NRDC: variants seen among roughly 807,000 people sequenced by gnomAD.
NRDC encodes the protein nardilysin convertase.
NRDC carries 54 observed loss-of-function variants against 147.1 expected under a neutral mutation model. That is an observed-to-expected ratio of 0.37 (90% confidence interval 0.29 to 0.46). The LOEUF (loss-of-function observed/expected upper bound fraction) is 0.46, where lower values mean the gene tolerates loss of function less well. Among genes scored for constraint, NRDC ranks in the 20% least tolerant of loss-of-function variants. The pLI is 1.00. For synonymous variants in NRDC, 440 were observed against 482.1 expected, an observed-to-expected ratio of 0.91 and a Z score of 1.14; for missense variants, 1,082 against 1,370.6, an observed-to-expected ratio of 0.79 and a Z score of 3.33.
At chr1:51,836,370 A>G (rs746608767) in intron 2 of NRDC, 158 bp from the exon 3 acceptor site, 2 of 1,613,462 alleles carry the variant, frequency 1.2e-6, no homozygotes, top group South Asian at 2.2e-5. Context: ...GAAACTCACC[A>G]GAACTGTGTC....
rs1029735917 is a variant in NRDC at position 51,848,350 on chromosome 1, A to G, written c.342-7836T>C. Among the ~76,000 whole-genome samples the G allele has an allele frequency of 1.6e-4, 25 of 152,118 alleles. No homozygotes were observed. The South Asian group carries it at 2.1e-3, about 13-fold the overall frequency. On this transcript the variant is annotated intron_variant, in intron 1 of 30. Coordinates refer to ENST00000352171, the MANE Select transcript of NRDC (RefSeq NM_001101662.2). ...AAGAAAATTAGACAGGCGTGGTGGC[A>G]GGCGCCTGTAGTCCCAGCTACTCAG...
chr1:51,810,979 A>G (rs941367942), intron 15 of NRDC, among the ~76,000 whole-genome samples: 1 of 152,242 alleles, frequency 6.6e-6, no homozygotes, highest in African/African-American at 2.4e-5. Context: ...AAACACTGCC[A>G]AGATAGGGCC....
chr1:51,814,142 G>T, intron 13 of NRDC, 53 bp from the exon 14 acceptor site: 1 of 1,137,324 alleles, frequency 8.8e-7, no homozygotes, highest in Non-Finnish European at 1.3e-6. Context: ...CTGCCTACTT[G>T]AGGGAGAAGG....
intron 5 of NRDC, 30 bp from the exon 6 acceptor site, chr1:51,825,412 A>T: frequency 6.7e-7 from 1 of 1,503,370 alleles, no homozygotes. Context: ...ACATAATAAA[A>T]CAAAATTCAG....
At chr1:51,795,282 C>T in intron 22 of NRDC, 1 of 1,129,412 alleles carries the variant, frequency 8.9e-7, no homozygotes. Flanking sequence ...ATTCTGTTTT[C>T]TTATCTATAA....
intron 1 of NRDC, among the ~76,000 whole-genome samples, chr1:51,846,268 G>C (rs1480716325): frequency 1.6e-4 from 24 of 151,868 alleles, no homozygotes; most frequent in Admixed American, 1.5e-3. Context: ...GTGCACCACC[G>C]CACCTGGTTA....
At position 51,794,457 on chromosome 1, in the gene NRDC, G is replaced by A. The variant is rs143111186; in HGVS notation, c.2775+15C>T. 211 of 1,613,260 alleles carry A rather than the reference G, an allele frequency of 1.3e-4. No homozygotes were observed. The highest frequency in any genetic ancestry group is 3.1e-4 in the South Asian group (28 of 91,058). On this transcript the variant is annotated intron_variant, in intron 24 of 30. Transcript: ENST00000352171. ...GCACTGGGCCTTCCGCCAGTCTTTA[G>A]TACACCCAACTGACCTGGTAGTACA...
chr1:51,827,771 G>A, intron 5 of NRDC, 25 bp downstream of exon 5: 2 of 1,592,138 alleles, frequency 1.3e-6, no homozygotes, highest in Non-Finnish European at 1.7e-6. Context: ...AAAAACTGTA[G>A]TTACACATAA....
At chr1:51,863,702 T>A (rs1285925242) in intron 1 of NRDC, among the ~76,000 whole-genome samples, 1 of 152,206 alleles carries the variant, frequency 6.6e-6, no homozygotes, top group Admixed American at 6.5e-5. Flanking sequence ...TCCCACCTAA[T>A]TTAATTGGAA....
intron 1 of NRDC, among the ~76,000 whole-genome samples, chr1:51,849,124 C>T (rs977854648): frequency 9.9e-5 from 15 of 152,178 alleles, no homozygotes; most frequent in African/African-American, 3.4e-4. Context: ...CGGTGGCTCA[C>T]GCCTGTAATC....
chr1:51,800,501 G>C, intron 21 of NRDC, 55 bp downstream of exon 21: 1 of 1,596,496 alleles, frequency 6.3e-7, no homozygotes, highest in Non-Finnish European at 8.6e-7. Context: ...CCACCCACTA[G>C]GGAGAGTAAT....
chr1:51,846,565 T>C (rs1314354958), intron 1 of NRDC, among the ~76,000 whole-genome samples: 1 of 152,264 alleles, frequency 6.6e-6, no homozygotes. Flanking sequence ...TTCTTTCCAA[T>C]GTTCGGATGT....
chr1:51,818,619 A>C lies in NRDC; in HGVS notation c.1292-484T>G, dbSNP rs578050003. On this transcript the variant is annotated intron_variant, in intron 9 of 30. Transcript: ENST00000352171. ...GAAGAGGAAACCTAAAACCAGAAAG[A>C]ATACAATAAAAAGTAAGTTGTCTCT... Among the ~76,000 whole-genome samples, 7 of 152,340 alleles carry C rather than the reference A, an allele frequency of 4.6e-5. No homozygotes were observed. In the East Asian group the frequency reaches 5.8e-4, roughly 13 times the overall value.
chr1:51,809,724 C>T (rs538318945), intron 16 of NRDC, among the ~76,000 whole-genome samples: 13 of 152,052 alleles, frequency 8.5e-5, no homozygotes, highest in African/African-American at 3.1e-4. Flanking sequence ...TGGTGAAACC[C>T]CAGACAGATT....
chr1:51,876,082 T>C (rs1450422806), intron 1 of NRDC, among the ~76,000 whole-genome samples: 1 of 152,178 alleles, frequency 6.6e-6, no homozygotes, highest in Non-Finnish European at 1.5e-5. Flanking sequence ...GTAAATGAAA[T>C]AACACATCTA....
At chr1:51,803,204 G>T (rs532193862) in intron 20 of NRDC, among the ~76,000 whole-genome samples, 42 of 152,214 alleles carry the variant, frequency 2.8e-4, no homozygotes, top group Non-Finnish European at 4.3e-4. Flanking sequence ...AGCCGGCATG[G>T]TGGCTCACGC....
rs563250585 is a variant in NRDC at position 51,859,028 on chromosome 1, C to T, written c.342-18514G>A. Among the ~76,000 whole-genome samples the T allele has an allele frequency of 2.4e-4, 36 of 152,204 alleles. 1 individual carries two copies. The South Asian group carries it at 5.4e-3, about 23-fold the overall frequency. ...TGAGCAAATGAGGGTACAATATGTA[C>T]GCCTAAAGTCTTAGGTTGTGCTTTT... On this transcript the variant is annotated intron_variant, in intron 1 of 30. Transcript: ENST00000352171.
Position 51,853,130 on chromosome 1 carries a change from A to G in NRDC, c.342-12616T>C, listed in dbSNP as rs1682060308. Among the ~76,000 whole-genome samples the G allele has an allele frequency of 5.3e-5, 8 of 152,026 alleles. No homozygotes were observed. In the South Asian group the frequency reaches 1.5e-3, roughly 28 times the overall value. On this transcript the variant is annotated intron_variant, in intron 1 of 30. Transcript: ENST00000352171. ...TCTCAGCTACTCGGAAGGCTGAGGC[A>G]GGAGAATCGCTTGAACCTGGGAGGC...
intron 17 of NRDC, 83 bp downstream of exon 17, chr1:51,809,232 G>A (rs748540963): frequency 2.4e-5 from 21 of 869,088 alleles, no homozygotes; most frequent in Admixed American, 5.9e-5. Context: ...AAATTCCTAC[G>A]ATACTTTGTA....
Sources: gnomAD v4.1 joint callset for allele counts (sites outside exome capture counted in the v4.1 genomes callset) on GRCh38, gnomAD v4.1.1 for gene constraint, MANE v1.5 for transcripts, NCBI Gene and HGNC (gene_info 2026-07-23, HGNC 2026-07-21) for gene names.